ADAMTS19: variants seen among roughly 807,000 people sequenced by gnomAD.
ADAMTS19 encodes ADAM metallopeptidase with thrombospondin type 1 motif 19.
A neutral mutation model predicts 153.3 loss-of-function variants in ADAMTS19; 93 were observed. The observed-to-expected ratio is 0.61, with a 90% CI of 0.51 to 0.72. ADAMTS19 has a LOEUF of 0.72. ADAMTS19 is among the 30% of genes least tolerant of loss of function. The pLI is 0.00. For synonymous variants in ADAMTS19, 600 were observed against 556.6 expected (o/e 1.08, Z -1.10); for missense variants, 1,482 against 1,552.1 (o/e 0.95, Z 0.76).
intron 21 of ADAMTS19, among the ~76,000 whole-genome samples, chr5:129,723,473 T>C (rs1168864143): frequency 6.6e-6 from 1 of 152,216 alleles, no homozygotes; most frequent in African/African-American, 2.4e-5. Context: ...CAAGTTGATT[T>C]GCTAGCATTT....
rs1434565029 is a variant in ADAMTS19, at chr5:129,522,595, T to C, written c.914-3689T>C. ...GAGTAAAACTGGATTTATTACATAT[T>C]TTTAAAATCTCCATCATTGCTAGAA... On this transcript the variant is annotated intron_variant, in intron 3 of 22. Coordinates refer to ENST00000274487, the MANE Select transcript of ADAMTS19 (RefSeq NM_133638.6). Among the ~76,000 whole-genome samples, 11 of 151,996 alleles carry C rather than the reference T, an allele frequency of 7.2e-5. No homozygotes were observed. In the East Asian group the frequency reaches 2.1e-3, roughly 29 times the overall value.
Position 129,510,856 on chromosome 5 carries a change from GAT to G in ADAMTS19, c.913+1636_913+1637del, listed in dbSNP as rs60233609. On this transcript the variant is annotated intron_variant, in intron 3 of 22. Coordinates refer to ENST00000274487, the MANE Select transcript of ADAMTS19 (RefSeq NM_133638.6). ...CAAATGTTGTGCATAAAGTTTCTGA[GAT>G]ATATATATATATATATATATAGTAG... is the stretch of plus-strand genomic sequence containing the variant. 1.1e-3 allele frequency among the ~76,000 whole-genome samples: 161 copies of G among 140,852 alleles called. 1 individual carries two copies. Among genetic ancestry groups the G allele is most frequent in the African/African-American group, 1.3e-3 (51 of 38,668 alleles). The allele number at this position is 140,852 out of a possible 152,430, so 92.4% of individuals were successfully genotyped here. A position where few individuals can be genotyped will look rare whatever the true frequency, so the allele number is the denominator to read the frequency against.
At chr5:129,486,753 T>C (rs138483513) in intron 2 of ADAMTS19, among the ~76,000 whole-genome samples, 308 of 151,890 alleles carry the variant, frequency 2.0e-3, no homozygotes, top group Middle Eastern at 0.014. Flanking sequence ...GCAAAATAAA[T>C]AAATAAATAA....
At chr5:129,682,900 G>A (rs867869485) in intron 17 of ADAMTS19, among the ~76,000 whole-genome samples, 1 of 152,112 alleles carries the variant, frequency 6.6e-6, no homozygotes, top group South Asian at 2.1e-4. Context: ...CTGAGAAAAA[G>A]AAGGAAAGAA....
intron 7 of ADAMTS19, among the ~76,000 whole-genome samples, chr5:129,564,686 A>T (rs2126850645): frequency 6.6e-6 from 1 of 152,314 alleles, no homozygotes; most frequent in South Asian, 2.1e-4. Flanking sequence ...TCAGTGATGA[A>T]CAAAAGCATA....
intron 2 of ADAMTS19, among the ~76,000 whole-genome samples, chr5:129,498,180 G>T (rs888927305): frequency 2.0e-5 from 3 of 151,974 alleles, no homozygotes; most frequent in Non-Finnish European, 2.9e-5. Flanking sequence ...TTACACTAAT[G>T]ACACCATTAT....
chr5:129,556,604 A>T (rs1324677158), intron 7 of ADAMTS19, among the ~76,000 whole-genome samples: 1 of 152,150 alleles, frequency 6.6e-6, no homozygotes, highest in Non-Finnish European at 1.5e-5. Flanking sequence ...AAATAGGGAG[A>T]TTATCCTGTA....
At chr5:129,500,917 T>C (rs1420113529) in intron 2 of ADAMTS19, among the ~76,000 whole-genome samples, 1 of 152,194 alleles carries the variant, frequency 6.6e-6, no homozygotes, top group Non-Finnish European at 1.5e-5. Flanking sequence ...CGCATAATGC[T>C]ATTAAGAAAC....
At chr5:129,487,654 T>C (rs1750642981) in intron 2 of ADAMTS19, among the ~76,000 whole-genome samples, 1 of 152,110 alleles carries the variant, frequency 6.6e-6, no homozygotes, top group Admixed American at 6.6e-5. Context: ...GTTTCTCTAC[T>C]TTTTATGTAT....
chr5:129,596,612 G>A lies in ADAMTS19; in HGVS notation c.1426G>A (p.Glu476Lys). 2 of 1,608,502 alleles carry A rather than the reference G, an allele frequency of 1.2e-6. No homozygotes were observed. Among genetic ancestry groups the A allele is most frequent in the Non-Finnish European group, 1.7e-6 (2 of 1,177,590 alleles). ...CSEKRKCIIAEDNGLNLAFTI... is the reference protein window; with the variant it reads ...CSEKRKCIIAKDNGLNLAFTI... Reference sequence around the variant, plus strand: ...TGAAAAGAGAAAATGTATTATTGCTGAAGACAATGGCTTGAATCTTGCTTT... The same window carrying A: ...TGAAAAGAGAAAATGTATTATTGCTAAAGACAATGGCTTGAATCTTGCTTT... The change falls in exon 8 of 23, where the codon GAA (glutamate) becomes AAA (lysine). Residue 476 changes from glutamate to lysine, a missense_variant. Glu to Lys is a moderately conservative substitution (Grantham distance 56). Around this residue, in one of 2 missense-constraint regions of ADAMTS19, gnomAD observed 866 missense variants for 827.7 expected, o/e 1.05. Transcript: ENST00000274487.
intron 2 of ADAMTS19, among the ~76,000 whole-genome samples, chr5:129,498,410 T>C (rs1388993961): frequency 6.6e-6 from 1 of 152,116 alleles, no homozygotes; most frequent in Non-Finnish European, 1.5e-5. Flanking sequence ...ATTTATTCTT[T>C]ATTTTTCATT....
At chr5:129,468,479 A>G (rs1749952855) in intron 2 of ADAMTS19, among the ~76,000 whole-genome samples, 1 of 151,694 alleles carries the variant, frequency 6.6e-6, no homozygotes, top group Non-Finnish European at 1.5e-5. Flanking sequence ...TCAGCCTCCT[A>G]AGTAGCTGGG....
chr5:129,674,236 A>G (rs1245236888), intron 16 of ADAMTS19, among the ~76,000 whole-genome samples: 5 of 152,106 alleles, frequency 3.3e-5, no homozygotes, highest in Non-Finnish European at 7.4e-5. Context: ...CATCTCAAAA[A>G]AAAAAAAATC....
intron 7 of ADAMTS19, among the ~76,000 whole-genome samples, chr5:129,566,550 T>C (rs1361313949): frequency 6.6e-6 from 1 of 152,182 alleles, no homozygotes; most frequent in Non-Finnish European, 1.5e-5. Context: ...GTTTATAATT[T>C]TTCTCTCTTT....
chr5:129,484,554 T>G (rs561293034), intron 2 of ADAMTS19, among the ~76,000 whole-genome samples: 1 of 152,296 alleles, frequency 6.6e-6, no homozygotes, highest in African/African-American at 2.4e-5. Context: ...TCAAATCATA[T>G]TTTTAAGGTT....
chr5:129,699,698 G>T (rs537803857), intron 19 of ADAMTS19, among the ~76,000 whole-genome samples: 2 of 152,234 alleles, frequency 1.3e-5, no homozygotes, highest in East Asian at 3.9e-4. Flanking sequence ...AGGAATGGGC[G>T]TGGGGCTGGC....
At chr5:129,662,377 C>T (rs1753850760) in intron 15 of ADAMTS19, among the ~76,000 whole-genome samples, 2 of 152,164 alleles carry the variant, frequency 1.3e-5, no homozygotes, top group South Asian at 4.1e-4. Context: ...TGCCAAATGG[C>T]TTATTTACTG....
intron 20 of ADAMTS19, 44 bp downstream of exon 20, chr5:129,701,636 C>T (rs748719675): frequency 3.8e-6 from 6 of 1,594,366 alleles, no homozygotes; most frequent in Non-Finnish European, 5.1e-6. Context: ...ACTCTGACTC[C>T]TAGCTTGTAC....
intron 15 of ADAMTS19, among the ~76,000 whole-genome samples, chr5:129,664,681 A>C (rs1581202833): frequency 1.3e-5 from 2 of 152,052 alleles, no homozygotes; most frequent in East Asian, 1.9e-4. Flanking sequence ...CTTTTATAAG[A>C]TACATGGATC....
Sources: gnomAD v4.1 joint callset for allele counts (sites outside exome capture counted in the v4.1 genomes callset) on GRCh38, gnomAD v4.1.1 for gene constraint, gnomAD v4.1.1 regional missense constraint, MANE v1.5 for transcripts, NCBI Gene and HGNC (gene_info 2026-07-23, HGNC 2026-07-21) for gene names.